The following KCNU1 variants were observed in gnomAD, a reference collection of about 807,000 sequenced individuals.
KCNU1 encodes potassium channel subfamily U member 1.
Under a neutral mutation model 126.8 loss-of-function variants are expected in KCNU1, and 93 were observed. The ratio of observed to expected loss-of-function variants is 0.73; its 90% CI spans 0.62 to 0.87. KCNU1 has a LOEUF of 0.87. KCNU1 is among the 40% of genes least tolerant of loss of function. The pLI is 0.00. For missense variants in KCNU1, 1,330 were observed against 1,367.1 expected, an observed-to-expected ratio of 0.97 and a Z score of 0.43; for synonymous variants, 523 against 494.2, an observed-to-expected ratio of 1.06 and a Z score of -0.77.
chr8:36,853,982 T>C (rs1805442494), intron 18 of KCNU1, among the ~76,000 whole-genome samples: 1 of 152,212 alleles, frequency 6.6e-6, no homozygotes, highest in Admixed American at 6.5e-5. Context: ...AGGATAGTTT[T>C]GCTAACTATT....
intron 19 of KCNU1, among the ~76,000 whole-genome samples, chr8:36,873,874 A>C (rs939699546): frequency 6.6e-6 from 1 of 152,230 alleles, no homozygotes; most frequent in African/African-American, 2.4e-5. Flanking sequence ...AAATGTAATT[A>C]GATTTATAAC....
chr8:36,862,390 G>T (rs749278631), intron 18 of KCNU1, among the ~76,000 whole-genome samples: 18 of 151,928 alleles, frequency 1.2e-4, no homozygotes, highest in Non-Finnish European at 2.2e-4. Context: ...GCCTTATCTT[G>T]CAACCTGGTA....
At chr8:36,886,571 G>T (rs887156741) in intron 19 of KCNU1, among the ~76,000 whole-genome samples, 1 of 152,114 alleles carries the variant, frequency 6.6e-6, no homozygotes, top group Admixed American at 6.6e-5. Context: ...CAAAACAAAC[G>T]TATTCAACAG....
intron 19 of KCNU1, among the ~76,000 whole-genome samples, chr8:36,875,062 C>T (rs563930448): frequency 2.6e-4 from 40 of 151,686 alleles, no homozygotes; most frequent in Non-Finnish European, 4.1e-4. Flanking sequence ...TTTAAGGTAC[C>T]AGTGGGGAAA....
intron 19 of KCNU1, among the ~76,000 whole-genome samples, chr8:36,900,308 C>T (rs1807363354): frequency 1.3e-5 from 2 of 152,116 alleles, no homozygotes; most frequent in Admixed American, 6.6e-5. Context: ...TGCTTATACA[C>T]AGGTTTCTGG....
chr8:36,793,567 T>G (rs1802981373), intron 2 of KCNU1, among the ~76,000 whole-genome samples: 1 of 152,152 alleles, frequency 6.6e-6, no homozygotes, highest in Admixed American at 6.5e-5. Context: ...TTTGGTTTCT[T>G]GCACCTATCT....
chr8:36,816,523 G>A (rs1461469283), intron 9 of KCNU1, among the ~76,000 whole-genome samples: 4 of 152,108 alleles, frequency 2.6e-5, no homozygotes, highest in Non-Finnish European at 4.4e-5. Flanking sequence ...AAAATATGAT[G>A]AAATGAACAA....
intron 21 of KCNU1, among the ~76,000 whole-genome samples, chr8:36,909,830 G>A (rs948844905): frequency 4.6e-5 from 7 of 152,108 alleles, no homozygotes; most frequent in South Asian, 2.1e-4. Context: ...GTTAATGCTC[G>A]AATCACCATG....
rs1308092953 is a variant in KCNU1, at chr8:36,860,099, A to T, written c.1892-4305A>T. 3.9e-5 allele frequency among the ~76,000 whole-genome samples: 6 copies of T among 152,120 alleles called. No individual in the cohort carries two copies. In the East Asian group the frequency reaches 1.2e-3, roughly 29 times the overall value. On this transcript the variant is annotated intron_variant, in intron 18 of 26. Transcript: ENST00000399881. ...TTACCTGATTTTTTTTAAATTTGAG[A>T]TGGAGTCTCTCTCTGTTGCCCAGGC...
chr8:36,918,404 A>T (rs1486153629), intron 22 of KCNU1, among the ~76,000 whole-genome samples: 2 of 152,108 alleles, frequency 1.3e-5, no homozygotes, highest in Non-Finnish European at 2.9e-5. Flanking sequence ...AAAAAAAATA[A>T]ATTAGCTGGG....
At chr8:36,823,082 G>A (rs908968121) in intron 10 of KCNU1, among the ~76,000 whole-genome samples, 2 of 152,034 alleles carry the variant, frequency 1.3e-5, no homozygotes, top group African/African-American at 2.4e-5. Flanking sequence ...TAACAGAGGG[G>A]GCAGCTAATT....
At chr8:36,891,801 A>T (rs906348778) in intron 19 of KCNU1, among the ~76,000 whole-genome samples, 3 of 151,828 alleles carry the variant, frequency 2.0e-5, no homozygotes, top group African/African-American at 7.3e-5. Flanking sequence ...TCTGGCTTTC[A>T]TGGTTTCTGA....
intron 19 of KCNU1, among the ~76,000 whole-genome samples, chr8:36,872,636 G>GT (rs964036643): frequency 6.6e-6 from 1 of 152,162 alleles, no homozygotes; most frequent in African/African-American, 2.4e-5. Flanking sequence ...GCATTGAGTA[G>GT]TAAGCCTTCA....
intron 7 of KCNU1, among the ~76,000 whole-genome samples, chr8:36,809,847 A>T (rs1228840117): frequency 6.6e-6 from 1 of 152,184 alleles, no homozygotes; most frequent in Non-Finnish European, 1.5e-5. Context: ...GTGGCCTACA[A>T]GCATATTACT....
At chr8:36,809,934 A>G (rs1803648137) in intron 7 of KCNU1, among the ~76,000 whole-genome samples, 1 of 152,132 alleles carries the variant, frequency 6.6e-6, no homozygotes, top group Non-Finnish European at 1.5e-5. Context: ...GAGCTCATAT[A>G]AAAATCAGAA....
intron 24 of KCNU1, among the ~76,000 whole-genome samples, chr8:36,923,253 G>A (rs563470981): frequency 6.6e-6 from 1 of 152,328 alleles, no homozygotes; most frequent in South Asian, 2.1e-4. Flanking sequence ...CTGTTGGGGT[G>A]CTGGGGAATC....
chr8:36,830,397 T>C (rs1367959489), intron 10 of KCNU1, among the ~76,000 whole-genome samples: 1 of 152,042 alleles, frequency 6.6e-6, no homozygotes, highest in Non-Finnish European at 1.5e-5. Flanking sequence ...ATACCATGAG[T>C]TGTATTTCTT....
intron 14 of KCNU1, among the ~76,000 whole-genome samples, chr8:36,838,388 T>G (rs1238428991): frequency 6.6e-6 from 1 of 152,148 alleles, no homozygotes; most frequent in Non-Finnish European, 1.5e-5. Context: ...CCTCTTGTAT[T>G]TTTCTTATTT....
At chr8:36,897,600 C>T (rs1554514874) in intron 19 of KCNU1, among the ~76,000 whole-genome samples, 2 of 152,008 alleles carry the variant, frequency 1.3e-5, no homozygotes, top group Non-Finnish European at 2.9e-5. Context: ...CTTCTTACCC[C>T]TTTTCATTTT....
Sources: gnomAD v4.1 joint callset for allele counts (sites outside exome capture counted in the v4.1 genomes callset) on GRCh38, gnomAD v4.1.1 for gene constraint, MANE v1.5 for transcripts, NCBI Gene and HGNC (gene_info 2026-07-23, HGNC 2026-07-21) for gene names.